The following POLR2F variants were observed in gnomAD, a reference collection of about 807,000 sequenced individuals.
The protein encoded by POLR2F is RNA polymerase II, I and III subunit F.
A neutral mutation model predicts 22.7 loss-of-function variants in POLR2F; 12 were observed. That is an observed-to-expected ratio of 0.53 (90% CI 0.34 to 0.86). The LOEUF is 0.86. Among genes scored for constraint, POLR2F ranks in the 40% least tolerant of loss-of-function variants. The pLI is 0.02. For synonymous variants in POLR2F, 57 were observed against 66.0 expected (o/e 0.86, Z 0.66); for missense variants, 126 against 171.5 (o/e 0.73, Z 1.48).
In POLR2F at chr22:37,959,429, C is replaced by G; in HGVS notation, c.174C>G (p.Thr58=). 1 of 1,614,086 alleles carries G rather than the reference C, an allele frequency of 6.2e-7. No homozygotes were observed. Among genetic ancestry groups the G allele is most frequent in the Non-Finnish European group, 8.5e-7 (1 of 1,179,996 alleles). ...AGCGAATCACCACACCATACATGACCAAGTACGAGCGAGCCCGCGTGCTGG... is the reference window on the plus strand; with the variant it reads ...AGCGAATCACCACACCATACATGACGAAGTACGAGCGAGCCCGCGTGCTGG... ...NQKRITTPYM[T]KYERARVLGT... is the part of the protein sequence containing the mutation. The change falls in exon 3 of 5, where the codon ACC becomes ACG. Residue 58 remains threonine (T), a synonymous_variant. Coordinates refer to ENST00000442738, the MANE Select transcript of POLR2F (RefSeq NM_021974.5).
chr22:38,033,700 T>C (rs2085087735), intron 5 of POLR2F, among the ~76,000 whole-genome samples: 1 of 152,188 alleles, frequency 6.6e-6, no homozygotes. Flanking sequence ...CCTCAGTTGT[T>C]TTCCAAGAGC....
chr22:37,998,357 C>T (rs552811904), intron 1 of POLR2F, among the ~76,000 whole-genome samples: 1 of 152,364 alleles, frequency 6.6e-6, no homozygotes, highest in South Asian at 2.1e-4. Flanking sequence ...AGCCTTCCAC[C>T]TGCCCCTTGA....
At chr22:37,974,091 G>C, downstream of POLR2F, 1 of 1,613,860 alleles carries the variant, frequency 6.2e-7, no homozygotes, top group Non-Finnish European at 8.5e-7. The surrounding 1 kb of genome is among the most constrained non-coding windows in gnomAD (Gnocchi z 5.4). Flanking sequence ...TCGATGTGAG[G>C]CTTCCCGCCC....
downstream of POLR2F, chr22:37,969,359 T>C: frequency 1.0e-6 from 1 of 980,718 alleles, no homozygotes; most frequent in Non-Finnish European, 1.2e-6. Flanking sequence ...TCTTGAGTCA[T>C]TTCCAGAAAC....
chr22:37,977,189 G>A (rs1352951159), intron 4 of POLR2F, among the ~76,000 whole-genome samples: 1 of 150,626 alleles, frequency 6.6e-6, no homozygotes, highest in Admixed American at 6.6e-5. Context: ...AAAAAAGAAT[G>A]GCTGGTGGGA....
In POLR2F at chr22:37,968,610, TGA is replaced by T; in HGVS notation, c.*897_*898del. The T allele has an allele frequency of 5.1e-6, 5 of 985,586 alleles. No homozygotes were observed. Among genetic ancestry groups the T allele is most frequent in the Non-Finnish European group, 6.0e-6 (5 of 830,064 alleles). The allele number at this position is 985,586 out of a possible 1,614,324, so 61.1% of individuals were successfully genotyped here. On this transcript the variant is annotated 3_prime_UTR_variant, in exon 5 of 5. Coordinates refer to ENST00000442738, the MANE Select transcript of POLR2F (RefSeq NM_021974.5). The stretch of plus-strand genomic sequence containing the variant: ...CTTTCTCCACCCTGCTTACCCAACC[TGA>T]GGTAAGACCAGTCACACTGGCTCCT...
intron 1 of POLR2F, among the ~76,000 whole-genome samples, chr22:38,021,688 C>A (rs532456690): frequency 6.6e-6 from 1 of 151,370 alleles, no homozygotes; most frequent in African/African-American, 2.4e-5. Flanking sequence ...AACTCCTGGG[C>A]TTAAGTGATC....
At chr22:37,995,762 C>T (rs2084706895) in intron 1 of POLR2F, among the ~76,000 whole-genome samples, 1 of 151,742 alleles carries the variant, frequency 6.6e-6, no homozygotes, top group Admixed American at 6.6e-5. Context: ...CGCTTGAGCC[C>T]AGGAGTTGAA....
intron 5 of POLR2F, among the ~76,000 whole-genome samples, chr22:38,033,712 G>A (rs2085087935): frequency 6.6e-6 from 1 of 152,220 alleles, no homozygotes; most frequent in Non-Finnish European, 1.5e-5. Flanking sequence ...TCCAAGAGCG[G>A]TGGCAGGATC....
At chr22:37,996,061 T>G (rs529351327) in intron 1 of POLR2F, among the ~76,000 whole-genome samples, 1 of 151,824 alleles carries the variant, frequency 6.6e-6, no homozygotes, top group African/African-American at 2.4e-5. Context: ...GGCCTCTCAC[T>G]GATGGAGGTG....
downstream of POLR2F, chr22:37,972,563 C>T (rs8141371): frequency 0.024 from 5,612 of 232,116 alleles, 322 homozygotes; most frequent in African/African-American, 0.12. Flanking sequence ...TTCAGCCTGC[C>T]GACAGCAACC....
chr22:37,987,651 C>T (rs957617757), intron 1 of POLR2F: 3 of 298,992 alleles, frequency 1.0e-5, no homozygotes, highest in African/African-American at 6.5e-5. Flanking sequence ...GGCTCTGCCC[C>T]AGCCTCAGTT....
At chr22:37,986,155 G>A (rs765897176), upstream of POLR2F, 21 of 1,530,862 alleles carry the variant, frequency 1.4e-5, no homozygotes, top group Middle Eastern at 1.7e-4. The surrounding 1 kb of genome is among the most constrained non-coding windows in gnomAD (Gnocchi z 4.7). Context: ...TTTTAACAGC[G>A]CCCGCTCGGC....
At chr22:37,960,228 C>CTTT (rs1242397751) in intron 3 of POLR2F, among the ~76,000 whole-genome samples, 2 of 139,228 alleles carry the variant, frequency 1.4e-5, no homozygotes, top group Non-Finnish European at 1.6e-5. Context: ...ATTTTCTTTT[C>CTTT]TTTTTTTTTT....
At chr22:38,007,958 C>T (rs968581148) in intron 1 of POLR2F, among the ~76,000 whole-genome samples, 8 of 152,142 alleles carry the variant, frequency 5.3e-5, no homozygotes, top group Admixed American at 6.5e-5. Context: ...ACAATAAACT[C>T]GCTGGGTGTG....
chr22:37,999,642 TG>T (rs1183813958), intron 1 of POLR2F, among the ~76,000 whole-genome samples: 2 of 151,698 alleles, frequency 1.3e-5, no homozygotes, highest in African/African-American at 2.4e-5. Context: ...CTAGACTCTG[TG>T]GGACGCAGAG....
chr22:37,955,180 G>C (rs1463536666), intron 1 of POLR2F, among the ~76,000 whole-genome samples: 3 of 151,804 alleles, frequency 2.0e-5, no homozygotes. Flanking sequence ...AGGGCTATAG[G>C]GGGAGAGAGA....
chr22:38,002,575 G>A (rs1159121412), intron 1 of POLR2F, among the ~76,000 whole-genome samples: 1 of 151,508 alleles, frequency 6.6e-6, no homozygotes, highest in South Asian at 2.1e-4. Flanking sequence ...GTTTCACCAT[G>A]TTGGCTGGGG....
At chr22:38,024,094 T>C (rs2084985215) in intron 1 of POLR2F, among the ~76,000 whole-genome samples, 1 of 152,132 alleles carries the variant, frequency 6.6e-6, no homozygotes, top group South Asian at 2.1e-4. Flanking sequence ...TCCATCCACC[T>C]TGGCCTCCCA....
Sources: allele counts gnomAD v4.1 joint callset (sites outside exome capture counted in the v4.1 genomes callset), GRCh38; gene constraint gnomAD v4.1.1; non-coding constraint Gnocchi (gnomAD v3.1); transcripts MANE v1.5; gene names NCBI Gene and HGNC (gene_info 2026-07-23, HGNC 2026-07-21).